Variants in HS1BP3 observed in about 807,000 individuals in gnomAD.
The protein encoded by HS1BP3 is HCLS1-binding protein 3.
HS1BP3 carries 32 observed loss-of-function variants against 33.5 expected under a neutral mutation model. The observed-to-expected ratio is 0.95, with a 90% confidence interval of 0.72 to 1.28. The LOEUF (loss-of-function observed/expected upper bound fraction) is 1.28, where lower values mean the gene tolerates loss of function less well. Among genes scored for constraint, HS1BP3 ranks in the 50% most tolerant of loss-of-function variants. The probability of loss-of-function intolerance (pLI) is 0.00; values close to 1 mark genes in which losing one functional copy is unlikely to be tolerated. For missense variants in HS1BP3, 486 were observed against 502.3 expected (o/e 0.97, Z 0.31); for synonymous variants, 187 against 209.2 (o/e 0.89, Z 0.92).
intron 5 of HS1BP3, 77 bp from the exon 6 acceptor site, chr2:20,624,108 C>T: frequency 1.3e-6 from 2 of 1,523,712 alleles, no homozygotes; most frequent in Non-Finnish European, 1.8e-6. Context: ...CTCTGCCCCA[C>T]CCCAGGAAGT....
At chr2:20,638,306 G>A (rs975067437) in intron 4 of HS1BP3, 130 bp downstream of exon 4, 39 of 814,478 alleles carry the variant, frequency 4.8e-5, no homozygotes, top group Middle Eastern at 2.3e-4. Flanking sequence ...CCAAGGCCTC[G>A]TGGCCCAGAT....
chr2:20,640,745 CT>C (rs372406798), intron 3 of HS1BP3: 228 of 616,402 alleles, frequency 3.7e-4, no homozygotes, highest in African/African-American at 2.5e-3. Context: ...TGGAGAATGC[CT>C]GCTGTGTGAG....
intron 4 of HS1BP3, 134 bp downstream of exon 4, chr2:20,638,302 C>A: frequency 2.6e-6 from 2 of 775,410 alleles, no homozygotes; most frequent in East Asian, 2.7e-5. Context: ...CAGGCCAAGG[C>A]CTCGTGGCCC....
intron 2 of HS1BP3, among the ~76,000 whole-genome samples, chr2:20,612,624 T>C (rs1694339419): frequency 6.6e-6 from 1 of 152,254 alleles, no homozygotes; most frequent in African/African-American, 2.4e-5. Flanking sequence ...GGTAGATCCA[T>C]ATTGCAGCAT....
At chr2:20,628,932 A>T (rs1359695382) in intron 4 of HS1BP3, among the ~76,000 whole-genome samples, 1 of 152,166 alleles carries the variant, frequency 6.6e-6, no homozygotes, top group Non-Finnish European at 1.5e-5. Context: ...CCATGAGGGA[A>T]CAGGCTGAGA....
chr2:20,575,564 C>A (rs1693378034), intron 5 of HS1BP3, among the ~76,000 whole-genome samples: 1 of 152,254 alleles, frequency 6.6e-6, no homozygotes, highest in Non-Finnish European at 1.5e-5. Context: ...GTCCCTCTTG[C>A]AGCATCCCTG....
intron 6 of HS1BP3, among the ~76,000 whole-genome samples, chr2:20,621,791 G>A (rs1694609494): frequency 5.9e-5 from 9 of 152,248 alleles, no homozygotes; most frequent in Admixed American, 5.9e-4. Flanking sequence ...TACACGGGTG[G>A]TCAGCCACGG....
chr2:20,580,316 C>A (rs922115206), intron 5 of HS1BP3, among the ~76,000 whole-genome samples: 3 of 152,100 alleles, frequency 2.0e-5, no homozygotes, highest in Admixed American at 6.5e-5. Flanking sequence ...CTCAGAAGTT[C>A]GAGACCAGCC....
intron 5 of HS1BP3, among the ~76,000 whole-genome samples, chr2:20,575,146 T>C (rs1332489956): frequency 2.0e-5 from 3 of 152,224 alleles, no homozygotes; most frequent in East Asian, 1.9e-4. Flanking sequence ...GGGCATTTGT[T>C]TGGATTTCTC....
chr2:20,641,991 C>T (rs978702344), intron 2 of HS1BP3, among the ~76,000 whole-genome samples: 1 of 152,216 alleles, frequency 6.6e-6, no homozygotes, highest in African/African-American at 2.4e-5. Flanking sequence ...GGGTGCTCAG[C>T]GAAGTCACCT....
chr2:20,605,520 G>C lies in HS1BP3; in HGVS notation c.179-7255C>G, dbSNP rs566629733. ...TGGTGTTTAGTATATTTACAAAGCT[G>C]TACAACTCTTGTTGCTATCGACTTC... On this transcript the variant is annotated intron_variant, in intron 2 of 3. Coordinates refer to the HS1BP3 transcript ENST00000415264. Among the ~76,000 whole-genome samples, 5 of 152,226 alleles carry C rather than the reference G, an allele frequency of 3.3e-5. No individual in the cohort carries two copies. In the East Asian group the frequency reaches 5.8e-4, roughly 18 times the overall value.
downstream of HS1BP3, among the ~76,000 whole-genome samples, chr2:20,590,443 G>C (rs376517105): frequency 3.3e-5 from 5 of 152,294 alleles, no homozygotes; most frequent in South Asian, 8.3e-4. Flanking sequence ...AAGGATGATG[G>C]GACCCGATGC....
At chr2:20,621,366 G>T (rs1265666895) in intron 6 of HS1BP3, among the ~76,000 whole-genome samples, 1 of 152,266 alleles carries the variant, frequency 6.6e-6, no homozygotes, top group Non-Finnish European at 1.5e-5. Flanking sequence ...TGTTTGGATG[G>T]CAGAGAAATG....
At chr2:20,638,330 C>G (rs771472991) in intron 4 of HS1BP3, 106 bp downstream of exon 4, 2 of 1,137,784 alleles carry the variant, frequency 1.8e-6, no homozygotes, top group African/African-American at 3.1e-5. Flanking sequence ...TGCGAGGGGG[C>G]GACCTGGGAT....
chr2:20,622,177 A>C, intron 6 of HS1BP3: 1 of 1,284,646 alleles, frequency 7.8e-7, no homozygotes, highest in Non-Finnish European at 1.0e-6. Flanking sequence ...TGAAAGCATG[A>C]ATGAATGAAT....
chr2:20,645,635 G>A (rs1193756522), intron 1 of HS1BP3, 130 bp from the exon 2 acceptor site: 2 of 894,368 alleles, frequency 2.2e-6, no homozygotes, highest in African/African-American at 3.4e-5. Flanking sequence ...GTCCTCAGTG[G>A]TCACTGCTCC....
Position 20,619,695 on chromosome 2 carries a change from C to T in HS1BP3, c.921-450G>A, listed in dbSNP as rs372706046. ...GGGAGGCATGACTGTGCTTCCATCACGCAGATGAGGACGCTGGAGTCCCAG... is the reference window on the plus strand; with the variant it reads ...GGGAGGCATGACTGTGCTTCCATCATGCAGATGAGGACGCTGGAGTCCCAG... On this transcript the variant is annotated intron_variant, in intron 6 of 6. Coordinates refer to ENST00000304031, the MANE Select transcript of HS1BP3 (RefSeq NM_022460.4). Among the ~76,000 whole-genome samples the T allele has an allele frequency of 4.9e-4, 75 of 152,390 alleles. No homozygotes were observed. In the South Asian group the frequency reaches 0.013, roughly 27 times the overall value.
chr2:20,574,069 A>G (rs1054096774), intron 5 of HS1BP3, among the ~76,000 whole-genome samples: 3 of 152,344 alleles, frequency 2.0e-5, no homozygotes, highest in African/African-American at 7.2e-5. Context: ...AACCCAGGGA[A>G]GTGTCATGTT....
chr2:20,633,734 G>A (rs1163568010), intron 4 of HS1BP3, among the ~76,000 whole-genome samples: 3 of 152,186 alleles, frequency 2.0e-5, no homozygotes, highest in Non-Finnish European at 2.9e-5. Context: ...TGTTGACCAG[G>A]CTGGTCTTGA....
Sources: gnomAD v4.1 joint callset for allele counts (sites outside exome capture counted in the v4.1 genomes callset) on GRCh38, gnomAD v4.1.1 for gene constraint, MANE v1.5 for transcripts, NCBI Gene and HGNC (gene_info 2026-07-23, HGNC 2026-07-21) for gene names.